CAPN5: variants seen among roughly 807,000 people sequenced by gnomAD.
CAPN5 encodes the protein calpain 5, also known as calpain-5.
CAPN5 carries 54 observed loss-of-function variants against 73.0 expected under a neutral mutation model. The observed-to-expected ratio is 0.74, with a 90% CI of 0.59 to 0.93. The LOEUF (loss-of-function observed/expected upper bound fraction) is 0.93. Among genes scored for constraint, CAPN5 ranks in the 40% least tolerant of loss-of-function variants. The pLI, the probability that CAPN5 is intolerant of heterozygous loss-of-function variation, is 0.00. For missense variants in CAPN5, 785 were observed against 882.9 expected (o/e 0.89, Z 1.41); for synonymous variants, 335 against 356.9 (o/e 0.94, Z 0.69).
At chr11:77,100,089 G>A (rs1950269076) in intron 3 of CAPN5, among the ~76,000 whole-genome samples, 1 of 152,232 alleles carries the variant, frequency 6.6e-6, no homozygotes, top group East Asian at 1.9e-4. Context: ...CACCCGCCTC[G>A]GCCTCCCAAG....
At position 77,114,544 on chromosome 11, in the gene CAPN5, C is replaced by T. The variant is rs930940575; in HGVS notation, c.699+110C>T. 6.0e-6 allele frequency: 6 copies of T among 993,490 alleles called. No homozygotes were observed. The African/African-American group carries it at 6.3e-5, about 10-fold the overall frequency. 61.5% of individuals were successfully genotyped at this position (993,490 alleles called of 1,614,324 possible). The stretch of plus-strand genomic sequence containing the variant: ...CAGGTCAGCTCCTACGTATTCAGAC[C>T]CTCAGCCTCGTGGGGGAGGGGAGAA... On this transcript the variant is annotated intron_variant, in intron 5 of 12. Coordinates refer to ENST00000648180, the MANE Select transcript of CAPN5 (RefSeq NM_004055.5).
intron 2 of CAPN5, among the ~76,000 whole-genome samples, chr11:77,085,550 G>A (rs1398172603): frequency 6.6e-6 from 1 of 152,114 alleles, no homozygotes; most frequent in African/African-American, 2.4e-5. Context: ...TCATAGAGTG[G>A]TTGTGAGAAT....
At chr11:77,116,009 C>T (rs1176404312) in intron 6 of CAPN5, among the ~76,000 whole-genome samples, 2 of 152,128 alleles carry the variant, frequency 1.3e-5, no homozygotes, top group Non-Finnish European at 2.9e-5. Flanking sequence ...GACCTCCCAG[C>T]CCCTGTCATG....
chr11:77,085,153 C>T (rs1950072502), intron 2 of CAPN5, 102 bp downstream of exon 2: 4 of 986,086 alleles, frequency 4.1e-6, no homozygotes, highest in Non-Finnish European at 4.6e-6. Flanking sequence ...GCATCCCTGG[C>T]CCCAGGCTGC....
intron 2 of CAPN5, among the ~76,000 whole-genome samples, chr11:77,092,185 C>T (rs1381325220): frequency 6.6e-6 from 1 of 152,138 alleles, no homozygotes; most frequent in Admixed American, 6.6e-5. Context: ...TGACTGCACT[C>T]CAGTTTGGGT....
At position 77,093,678 on chromosome 11, in the gene CAPN5, G is replaced by A. The variant is rs572570736; in HGVS notation, c.166-4G>A. The A allele has an allele frequency of 3.4e-4, 532 of 1,581,688 alleles. 3 individuals carry two copies. The South Asian group carries it at 5.3e-3, about 16-fold the overall frequency. On this transcript the variant is annotated splice_region_variant and splice_polypyrimidine_tract_variant and intron_variant, in intron 2 of 12. Coordinates refer to ENST00000648180, the MANE Select transcript of CAPN5 (RefSeq NM_004055.5). ...CTCACGCTCTCTCCTCGCCTTCTCC[G>A]CAGGGCATCTGCGAGGACCCCCGCC...
At chr11:77,118,656 G>A (rs1415577059) in intron 8 of CAPN5, among the ~76,000 whole-genome samples, 1 of 152,246 alleles carries the variant, frequency 6.6e-6, no homozygotes, top group Non-Finnish European at 1.5e-5. Flanking sequence ...TCAGCCCCTT[G>A]TTTCCACAAC....
rs76398120 is a variant in CAPN5, at chr11:77,095,172, G to A, written c.297+1359G>A. On this transcript the variant is annotated intron_variant, in intron 3 of 12. Coordinates refer to ENST00000648180, the MANE Select transcript of CAPN5 (RefSeq NM_004055.5). ...GGGCACCTGAGCCAGGAGGGCTTTCGAGAGCCACCCGTTGGCTCATTTCAA... is the reference window on the plus strand; with the variant it reads ...GGGCACCTGAGCCAGGAGGGCTTTCAAGAGCCACCCGTTGGCTCATTTCAA... Among the ~76,000 whole-genome samples the A allele has an allele frequency of 1.4e-3, 206 of 152,314 alleles. 2 individuals are homozygous for A. The East Asian group carries it at 0.035, about 26-fold the overall frequency.
chr11:77,102,086 A>G (rs1392514628), intron 3 of CAPN5, among the ~76,000 whole-genome samples: 3 of 152,228 alleles, frequency 2.0e-5, no homozygotes, highest in Admixed American at 2.0e-4. Flanking sequence ...TCAGGCCCAC[A>G]GAGCCCTGAT....
Position 77,115,405 on chromosome 11 carries a change from C to T in CAPN5, c.710C>T (p.Ala237Val), listed in dbSNP as rs1555041533. ...LISASIKAVT[A>V]ADMEARLACG... is the part of the protein sequence containing the mutation. ...TGTGTCCCTCCACAGGCAGTGACAG[C>T]AGCTGACATGGAGGCCCGCCTGGCG... Residue 237 changes from alanine to valine, a missense_variant, in exon 6 of 13, where the codon GCA (alanine) becomes GTA (valine). Physicochemically the swap from Ala to Val is moderately conservative, Grantham distance 64. Transcript: ENST00000648180. The T allele has an allele frequency of 6.9e-6, 11 of 1,602,210 alleles. No homozygotes were observed. Among genetic ancestry groups the T allele is most frequent in the Non-Finnish European group, 7.7e-6 (9 of 1,171,744 alleles).
chr11:77,070,510 G>A (rs1268816930), intron 1 of CAPN5, among the ~76,000 whole-genome samples: 1 of 152,200 alleles, frequency 6.6e-6, no homozygotes, highest in African/African-American at 2.4e-5. Context: ...GTTGTACAGC[G>A]GAGCAACTCA....
At position 77,121,964 on chromosome 11, in the gene CAPN5, C is replaced by T. The variant is rs1401770462; in HGVS notation, c.1518C>T (p.Thr506=). The change falls in exon 11 of 13, where the codon ACC becomes ACT. Residue 506 remains threonine (T), a synonymous_variant. Coordinates refer to ENST00000648180, the MANE Select transcript of CAPN5 (RefSeq NM_004055.5). ...TGCGCCTGGATGAGCCCCCACACAC[C>T]TGCTGGAGCTCCCTCTGTGGCTACC... ...RELRLDEPPH[T]CWSSLCGYPQ... is the part of the protein sequence containing the mutation. 5 of 1,558,310 alleles carry T rather than the reference C, an allele frequency of 3.2e-6. No individual in the cohort carries two copies. Among genetic ancestry groups the T allele is most frequent in the Non-Finnish European group, 3.5e-6 (4 of 1,150,746 alleles).
At chr11:77,083,802 C>T (rs1950052587) in intron 1 of CAPN5, among the ~76,000 whole-genome samples, 1 of 152,206 alleles carries the variant, frequency 6.6e-6, no homozygotes, top group African/African-American at 2.4e-5. Flanking sequence ...ATGACCAGTT[C>T]AACGTCACCC....
intron 3 of CAPN5, among the ~76,000 whole-genome samples, chr11:77,110,089 G>T (rs1950396111): frequency 6.6e-6 from 1 of 151,852 alleles, no homozygotes; most frequent in South Asian, 2.1e-4. Context: ...CAGTGGGAAT[G>T]GTAACCCTCA....
At chr11:77,082,793 C>T (rs907321524) in intron 1 of CAPN5, among the ~76,000 whole-genome samples, 17 of 152,210 alleles carry the variant, frequency 1.1e-4, no homozygotes, top group African/African-American at 3.9e-4. Context: ...CAGCCAGACC[C>T]TCTTTCTCCA....
chr11:77,123,733 C>T lies in CAPN5; in HGVS notation c.1786C>T (p.His596Tyr), dbSNP rs868941334. The change falls in exon 13 of 13, where the codon CAC (histidine) becomes TAC (tyrosine). Residue 596 changes from histidine (H) to tyrosine (Y), a missense_variant. By Grantham distance (83) the His-to-Tyr change is moderately conservative. Transcript: ENST00000648180. ...VLKDEFLGQV[H>Y]LKADPDNLQA... ...GAAGGATGAATTTCTGGGCCAGGTGCACCTAAAGGCTGACCCGGACAACCT... is the reference window on the plus strand; with the variant it reads ...GAAGGATGAATTTCTGGGCCAGGTGTACCTAAAGGCTGACCCGGACAACCT... 1 of 1,613,864 alleles carries T rather than the reference C, an allele frequency of 6.2e-7. No homozygotes were observed. Among genetic ancestry groups the T allele is most frequent in the East Asian group, 2.2e-5 (1 of 44,882 alleles).
At chr11:77,100,827 C>T (rs1487316326) in intron 3 of CAPN5, among the ~76,000 whole-genome samples, 2 of 152,246 alleles carry the variant, frequency 1.3e-5, no homozygotes, top group Non-Finnish European at 2.9e-5. Flanking sequence ...CCTGCCCTCT[C>T]GCTTTGCCCT....
At chr11:77,123,594 A>G (rs1228807394) in intron 12 of CAPN5, 94 bp from the exon 13 acceptor site, 14 of 1,080,550 alleles carry the variant, frequency 1.3e-5, no homozygotes, top group African/African-American at 1.6e-5. Context: ...CTTGCACTTC[A>G]AGGCCCTGCC....
At chr11:77,123,579 C>T (rs534842945) in intron 12 of CAPN5, 109 bp from the exon 13 acceptor site, 2 of 914,488 alleles carry the variant, frequency 2.2e-6, no homozygotes, top group South Asian at 1.6e-5. Context: ...CGATCCTCAG[C>T]CAGGCTTGCA....
Sources: gnomAD v4.1 joint callset for allele counts (sites outside exome capture counted in the v4.1 genomes callset) on GRCh38, gnomAD v4.1.1 for gene constraint, MANE v1.5 for transcripts, NCBI Gene and HGNC (gene_info 2026-07-23, HGNC 2026-07-21) for gene names.